Variants in NR1D2 observed in about 807,000 individuals in gnomAD.
NR1D2 encodes the protein V-erbA-related protein 1-related.
NR1D2 carries 25 observed loss-of-function variants against 52.2 expected under a neutral mutation model. The ratio of observed to expected loss-of-function variants is 0.48; its 90% CI spans 0.35 to 0.67. The LOEUF is 0.67. Among genes scored for constraint, NR1D2 ranks in the 30% least tolerant of loss-of-function variants. NR1D2 has a pLI of 0.01. For missense variants in NR1D2, 681 were observed against 707.2 expected (o/e 0.96, Z 0.42); for synonymous variants, 259 against 230.1 (o/e 1.13, Z -1.14).
intron 7 of NR1D2, among the ~76,000 whole-genome samples, chr3:23,971,343 T>C (rs1207117274): frequency 7.0e-6 from 1 of 143,182 alleles, no homozygotes; most frequent in African/African-American, 2.6e-5. Flanking sequence ...TCTTACTCTG[T>C]CACCCAGGCT....
At chr3:23,953,849 A>G (rs1575147800) in intron 1 of NR1D2, among the ~76,000 whole-genome samples, 4 of 152,362 alleles carry the variant, frequency 2.6e-5, no homozygotes, top group South Asian at 4.1e-4. Context: ...AGAAGAGACC[A>G]GAACCAGATT....
In NR1D2 at chr3:23,953,406, A is replaced by G. The variant is rs569475042; in HGVS notation, c.17-1131A>G. On this transcript the variant is annotated intron_variant, in intron 1 of 7. Transcript: ENST00000312521. ...TCAGAAGGGTTGTGGCGGTTATATAAAATTGGGAATCACATTTTGACAATA... is the reference window on the plus strand; with the variant it reads ...TCAGAAGGGTTGTGGCGGTTATATAGAATTGGGAATCACATTTTGACAATA... 7.9e-5 allele frequency among the ~76,000 whole-genome samples: 12 copies of G among 151,994 alleles called. No homozygotes were observed. The East Asian group carries it at 2.3e-3, about 29-fold the overall frequency.
chr3:23,954,867 CT>C, intron 2 of NR1D2, 64 bp downstream of exon 2: 1 of 1,505,702 alleles, frequency 6.6e-7, no homozygotes. Flanking sequence ...ATTTTATCAG[CT>C]TTTCATTTAG....
chr3:23,946,133 G>A, intron 1 of NR1D2: 1 of 984,632 alleles, frequency 1.0e-6, no homozygotes. Flanking sequence ...CTCCTCCCCC[G>A]CGGGGTTGCA....
Position 23,945,626 on chromosome 3 carries a change from G to C in NR1D2, c.16+32G>C, listed in dbSNP as rs1286743417. ...ACCGGACTGCGGCGGGTGGGGGATG[G>C]CCGGAGGGAGCGCTCAGAGCCCGCG... On this transcript the variant is annotated intron_variant, in intron 1 of 7. Transcript: ENST00000312521. The C allele has an allele frequency of 5.2e-6, 6 of 1,158,670 alleles. No individual in the cohort carries two copies. In the African/African-American group the frequency reaches 6.5e-5, roughly 13 times the overall value. 71.8% of individuals were successfully genotyped at this position (1,158,670 alleles called of 1,614,324 possible).
chr3:23,979,081 T>G lies in NR1D2; in HGVS notation c.*1662T>G, dbSNP rs1332316155. On this transcript the variant is annotated 3_prime_UTR_variant, in exon 8 of 8. Transcript: ENST00000312521. ...TACTGTACTAAGCCTGTTACTTTCA[T>G]GACGTGTGAGCAGAATGCCTTATTT... 1 of 152,146 alleles carries G rather than the reference T, an allele frequency of 6.6e-6. No homozygotes were observed. The highest frequency in any genetic ancestry group is 1.5e-5 in the Non-Finnish European group (1 of 67,968). The allele number at this position is 152,146 out of a possible 1,614,324, so 9.4% of individuals were successfully genotyped here. A position where few individuals can be genotyped will look rare whatever the true frequency, so the allele number is the denominator to read the frequency against.
At chr3:23,945,665 GGC>G in intron 1 of NR1D2, 71 bp downstream of exon 1, 1 of 1,042,684 alleles carries the variant, frequency 9.6e-7, no homozygotes, top group Non-Finnish European at 1.2e-6. Context: ...CACTTTGGGG[GGC>G]GGCGGCAGGG....
intron 3 of NR1D2, among the ~76,000 whole-genome samples, chr3:23,958,687 C>A (rs1221234592): frequency 6.7e-6 from 1 of 149,806 alleles, no homozygotes; most frequent in Non-Finnish European, 1.5e-5. Context: ...GTGGCTCGTG[C>A]CTGTAATCCT....
intron 5 of NR1D2, chr3:23,964,710 A>G (rs1193472423): frequency 3.3e-6 from 1 of 302,474 alleles, no homozygotes; most frequent in Admixed American, 4.7e-5. Flanking sequence ...AACCTGTGCA[A>G]CAGGTGTTTG....
intron 6 of NR1D2, among the ~76,000 whole-genome samples, chr3:23,965,943 C>G (rs1451754144): frequency 1.3e-5 from 2 of 152,212 alleles, no homozygotes; most frequent in Non-Finnish European, 2.9e-5. Context: ...TTAGCTCTTC[C>G]TGGTTTCACC....
At chr3:23,967,200 G>T (rs1259194283) in intron 6 of NR1D2, among the ~76,000 whole-genome samples, 3 of 152,180 alleles carry the variant, frequency 2.0e-5, no homozygotes, top group Non-Finnish European at 4.4e-5. Flanking sequence ...GCGTGTGCCT[G>T]TAATCCCAGC....
At chr3:23,960,067 C>G (rs541206044) in intron 4 of NR1D2, 1 of 293,932 alleles carries the variant, frequency 3.4e-6, no homozygotes, top group African/African-American at 2.2e-5. Flanking sequence ...TTTTTCTGTG[C>G]AATTTGATTA....
intron 3 of NR1D2, 139 bp from the exon 4 acceptor site, chr3:23,959,532 G>A: frequency 1.4e-6 from 1 of 725,488 alleles, no homozygotes; most frequent in East Asian, 2.7e-5. Context: ...TCTGTCCTAA[G>A]ACATAGTGTT....
rs1453416969 is a variant in NR1D2, at chr3:23,954,681, A to G, written c.161A>G (p.Asn54Ser). 1.9e-6 allele frequency: 3 copies of G among 1,614,140 alleles called. No individual in the cohort carries two copies. The highest frequency in any genetic ancestry group is 2.5e-6 in the Non-Finnish European group (3 of 1,180,000). The change falls in exon 2 of 8, where the codon AAT becomes AGT. Residue 54 changes from asparagine to serine, a missense_variant. Coordinates refer to ENST00000312521, the MANE Select transcript of NR1D2 (RefSeq NM_005126.5). ...AGCTCTAATTCTGATACCAATGGTA[A>G]TCCCAAGAATGGTGATCTCGCCAAT... ...PNSSNSDTNG[N>S]PKNGDLANIE...
chr3:23,955,534 AG>A (rs578185472), intron 2 of NR1D2, among the ~76,000 whole-genome samples: 131 of 152,312 alleles, frequency 8.6e-4, no homozygotes, highest in African/African-American at 3.1e-3. Context: ...TGTATTTAAA[AG>A]AAAATTATGG....
At chr3:23,955,932 C>T in intron 2 of NR1D2, 105 bp from the exon 3 acceptor site, 1 of 695,810 alleles carries the variant, frequency 1.4e-6, no homozygotes, top group Non-Finnish European at 2.5e-6. Context: ...AGATGTGTAT[C>T]TTCTAAAAGC....
chr3:23,977,263 G>A lies in NR1D2; in HGVS notation c.1584G>A (p.Leu528=). The A allele has an allele frequency of 6.2e-7, 1 of 1,609,224 alleles. No individual in the cohort carries two copies. Among genetic ancestry groups the A allele is most frequent in the African/African-American group, 1.3e-5 (1 of 74,642 alleles). The change falls in exon 8 of 8, where the codon TTG becomes TTA. Residue 528 remains leucine (L), a synonymous_variant. Coordinates refer to ENST00000312521, the MANE Select transcript of NR1D2 (RefSeq NM_005126.5). The stretch of plus-strand genomic sequence containing the variant: ...AAAACGTCAACTCTGTGGAGGCTTT[G>A]CAGGAAACTCTCATTCGTGCACTAA... The part of the protein sequence containing the change: ...GIENVNSVEA[L]QETLIRALRT...
rs1705641129 is a variant in NR1D2 at position 23,945,618 on chromosome 3, G to A, written c.16+24G>A. 1.3e-5 allele frequency: 15 copies of A among 1,176,324 alleles called. No homozygotes were observed. The East Asian group carries it at 3.0e-4, about 24-fold the overall frequency. The allele number at this position is 1,176,324 out of a possible 1,614,324, so 72.9% of individuals were successfully genotyped here. The stretch of plus-strand genomic sequence containing the variant: ...AGGTAAGAACCGGACTGCGGCGGGT[G>A]GGGGATGGCCGGAGGGAGCGCTCAG... On this transcript the variant is annotated intron_variant, in intron 1 of 7. Coordinates refer to ENST00000312521, the MANE Select transcript of NR1D2 (RefSeq NM_005126.5).
chr3:23,950,445 T>C (rs1247903732), intron 1 of NR1D2, among the ~76,000 whole-genome samples: 1 of 152,230 alleles, frequency 6.6e-6, no homozygotes, highest in Admixed American at 6.5e-5. Context: ...ATTCCTGACA[T>C]CCAGTAGGTA....
Sources: allele counts gnomAD v4.1 joint callset (sites outside exome capture counted in the v4.1 genomes callset), GRCh38; gene constraint gnomAD v4.1.1; transcripts MANE v1.5; gene names NCBI Gene and HGNC (gene_info 2026-07-23, HGNC 2026-07-21).